The following GDPD4 variants were observed in gnomAD, a reference collection of about 807,000 sequenced individuals.
GDPD4 encodes glycerophosphodiester phosphodiesterase 6.
Under a neutral mutation model 67.8 loss-of-function variants are expected in GDPD4, and 60 were observed. The ratio of observed to expected loss-of-function variants is 0.88; its 90% CI spans 0.72 to 1.10. The LOEUF (loss-of-function observed/expected upper bound fraction) is 1.10, where lower values mean the gene tolerates loss of function less well. GDPD4 is among the 50% of genes least tolerant of loss of function. The pLI is 0.00. For missense variants in GDPD4, 623 were observed against 613.9 expected, an observed-to-expected ratio of 1.01 and a Z score of -0.16; for synonymous variants, 212 against 210.9, an observed-to-expected ratio of 1.00 and a Z score of -0.04.
intron 3 of GDPD4, among the ~76,000 whole-genome samples, chr11:77,280,826 G>A (rs755248728): frequency 6.6e-6 from 1 of 152,154 alleles, no homozygotes; most frequent in African/African-American, 2.4e-5. Flanking sequence ...TGTTGGTGAT[G>A]GTAGTGGCGT....
intron 16 of GDPD4, among the ~76,000 whole-genome samples, chr11:77,226,838 A>G (rs1034257318): frequency 6.6e-6 from 1 of 152,166 alleles, no homozygotes; most frequent in Non-Finnish European, 1.5e-5. Context: ...CATATGAAAG[A>G]CCATTGCCTT....
At chr11:77,245,561 G>A in intron 11 of GDPD4, 59 bp from the exon 12 acceptor site, 1 of 1,158,288 alleles carries the variant, frequency 8.6e-7, no homozygotes, top group Non-Finnish European at 1.3e-6. Context: ...CTACTATGTA[G>A]CCACACATCC....
At chr11:77,234,580 T>A (rs1958514346) in intron 13 of GDPD4, among the ~76,000 whole-genome samples, 1 of 152,212 alleles carries the variant, frequency 6.6e-6, no homozygotes, top group African/African-American at 2.4e-5. Flanking sequence ...CTCCCACTTA[T>A]AAGTGAGAAC....
chr11:77,218,136 T>C (rs1958160035), intron 16 of GDPD4, among the ~76,000 whole-genome samples: 1 of 152,062 alleles, frequency 6.6e-6, no homozygotes, highest in Non-Finnish European at 1.5e-5. Context: ...AGGGAATTTT[T>C]ATTGGATTTG....
intron 16 of GDPD4, among the ~76,000 whole-genome samples, chr11:77,218,538 C>T (rs1158647400): frequency 6.6e-6 from 1 of 152,134 alleles, no homozygotes; most frequent in African/African-American, 2.4e-5. Flanking sequence ...ATCCCTCCCC[C>T]ATACCCCCAC....
intron 10 of GDPD4, among the ~76,000 whole-genome samples, chr11:77,262,769 A>G (rs1959143377): frequency 6.9e-6 from 1 of 144,352 alleles, no homozygotes; most frequent in Non-Finnish European, 1.5e-5. Context: ...TAAAAACTCT[A>G]GCCCCAAACT....
intron 14 of GDPD4, among the ~76,000 whole-genome samples, chr11:77,231,476 A>C (rs941414240): frequency 2.0e-5 from 3 of 152,230 alleles, no homozygotes; most frequent in African/African-American, 7.2e-5. Context: ...CACCTCCCTG[A>C]ATAAAATGAC....
intron 1 of GDPD4, among the ~76,000 whole-genome samples, chr11:77,299,097 A>G (rs565342618): frequency 6.7e-6 from 1 of 149,956 alleles, no homozygotes; most frequent in South Asian, 2.1e-4. Context: ...AATCCCTCTC[A>G]CCCAGAGTAT....
At position 77,257,306 on chromosome 11, in the gene GDPD4, C is replaced by G. The variant is rs530999764; in HGVS notation, c.864+1080G>C. On this transcript the variant is annotated intron_variant, in intron 11 of 16. Transcript: ENST00000315938. ...CCTAGTCATAAAATAAGCTAGAAAACGTAGGTTGTTTTGTTTTCTTTAATC... is the reference window on the plus strand; with the variant it reads ...CCTAGTCATAAAATAAGCTAGAAAAGGTAGGTTGTTTTGTTTTCTTTAATC... Among the ~76,000 whole-genome samples, 6 of 152,178 alleles carry G rather than the reference C, an allele frequency of 3.9e-5. 1 individual carries two copies. In the East Asian group the frequency reaches 1.2e-3, roughly 29 times the overall value.
chr11:77,224,117 G>C (rs1418411618), intron 16 of GDPD4: 1 of 152,232 alleles, frequency 6.6e-6, no homozygotes, highest in Non-Finnish European at 1.5e-5. Context: ...CCTTGACTAA[G>C]AAAGGGAAAT....
At chr11:77,255,816 G>T (rs932238361) in intron 11 of GDPD4, among the ~76,000 whole-genome samples, 2 of 151,672 alleles carry the variant, frequency 1.3e-5, no homozygotes, top group African/African-American at 4.8e-5. Flanking sequence ...GCAGTGAGCC[G>T]AGATCACACC....
chr11:77,232,274 A>G (rs1211573615), intron 14 of GDPD4, among the ~76,000 whole-genome samples: 2 of 152,238 alleles, frequency 1.3e-5, no homozygotes, highest in Non-Finnish European at 1.5e-5. Flanking sequence ...AGGGGCAGAG[A>G]AAGGCCTACA....
At chr11:77,243,624 G>C (rs940523756) in intron 13 of GDPD4, 70 bp downstream of exon 13, 1 of 1,305,964 alleles carries the variant, frequency 7.7e-7, no homozygotes, top group Non-Finnish European at 1.1e-6. Context: ...AAGTTAAGAA[G>C]TTTAATTAGA....
At chr11:77,273,784 A>C (rs1192743593) in intron 5 of GDPD4, among the ~76,000 whole-genome samples, 1 of 152,240 alleles carries the variant, frequency 6.6e-6, no homozygotes, top group Non-Finnish European at 1.5e-5. Flanking sequence ...GAAATAATAA[A>C]AGATTTATTA....
chr11:77,230,258 A>G (rs192111244), intron 14 of GDPD4, among the ~76,000 whole-genome samples: 156 of 152,326 alleles, frequency 1.0e-3, no homozygotes, highest in African/African-American at 3.6e-3. Context: ...AATGTTCACA[A>G]AGAATCAGTT....
At position 77,269,171 on chromosome 11, in the gene GDPD4, G is replaced by A. The variant is rs1959194005; in HGVS notation, c.479-102C>T. 34 of 983,630 alleles carry A rather than the reference G, an allele frequency of 3.5e-5. 3 individuals carry two copies. The South Asian group carries it at 5.4e-4, about 16-fold the overall frequency. The allele number at this position is 983,630 out of a possible 1,614,324, so 60.9% of individuals were successfully genotyped here. ...CAGTCTGAGTAAACCCACAGTCCATGGGTTTCATTGACTGTGTACTGGCTA... is the reference window on the plus strand; with the variant it reads ...CAGTCTGAGTAAACCCACAGTCCATAGGTTTCATTGACTGTGTACTGGCTA... On this transcript the variant is annotated intron_variant, in intron 8 of 16. Transcript: ENST00000315938.
intron 11 of GDPD4, among the ~76,000 whole-genome samples, chr11:77,255,619 G>C (rs1267960023): frequency 6.6e-6 from 1 of 152,062 alleles, no homozygotes; most frequent in African/African-American, 2.4e-5. Flanking sequence ...CCAGTACTTT[G>C]GGAGGCCAAG....
intron 5 of GDPD4, among the ~76,000 whole-genome samples, chr11:77,272,233 G>A (rs927823579): frequency 6.6e-6 from 1 of 152,146 alleles, no homozygotes; most frequent in Non-Finnish European, 1.5e-5. Flanking sequence ...AATAGAAAAA[G>A]AGAGAATACT....
chr11:77,216,825 T>C lies in GDPD4; in HGVS notation c.*452A>G. The stretch of plus-strand genomic sequence containing the variant: ...GAGAGAGGAAGAAGCAGGGGAGATG[T>C]GGCTAATTCTTCTTTGGAAACACAG... On this transcript the variant is annotated 3_prime_UTR_variant, in exon 17 of 17. Coordinates refer to ENST00000315938, the MANE Select transcript of GDPD4 (RefSeq NM_182833.3). The C allele has an allele frequency of 1.6e-6, 1 of 608,576 alleles. No homozygotes were observed. Among genetic ancestry groups the C allele is most frequent in the Middle Eastern group, 4.3e-4 (1 of 2,310 alleles). 37.7% of individuals were successfully genotyped at this position (608,576 alleles called of 1,614,324 possible).
Sources: gnomAD v4.1 joint callset for allele counts (sites outside exome capture counted in the v4.1 genomes callset) on GRCh38, gnomAD v4.1.1 for gene constraint, MANE v1.5 for transcripts, NCBI Gene and HGNC (gene_info 2026-07-23, HGNC 2026-07-21) for gene names.